Variants in PIGU observed in about 807,000 individuals in gnomAD.
PIGU encodes the protein GPI-anchor transamidase component PIGU.
PIGU carries 24 observed loss-of-function variants against 49.9 expected under a neutral mutation model. That is an observed-to-expected ratio of 0.48 (90% CI 0.35 to 0.68). The LOEUF (loss-of-function observed/expected upper bound fraction) is 0.68. Among genes scored for constraint, PIGU ranks in the 30% least tolerant of loss-of-function variants. The probability of loss-of-function intolerance (pLI) is 0.01; values close to 1 mark genes in which losing one functional copy is unlikely to be tolerated. For missense variants in PIGU, 490 were observed against 532.6 expected (o/e 0.92, Z 0.79); for synonymous variants, 220 against 205.7 (o/e 1.07, Z -0.59).
intron 6 of PIGU, among the ~76,000 whole-genome samples, chr20:34,631,363 A>C (rs1357322838): frequency 6.6e-6 from 1 of 151,956 alleles, no homozygotes; most frequent in Non-Finnish European, 1.5e-5. Flanking sequence ...CCAAAACAAG[A>C]GGACAGAGAA....
intron 6 of PIGU, among the ~76,000 whole-genome samples, chr20:34,624,530 T>G (rs758912539): frequency 9.9e-5 from 15 of 152,240 alleles, no homozygotes; most frequent in Non-Finnish European, 2.2e-4. Context: ...TAAGGAAAGC[T>G]GGAAGAACCC....
chr20:34,603,923 C>T (rs903578387), intron 7 of PIGU, among the ~76,000 whole-genome samples: 1 of 143,508 alleles, frequency 7.0e-6, no homozygotes, highest in Non-Finnish European at 1.5e-5. Context: ...AGGTAACAAA[C>T]AAGTGAAGGT....
intron 3 of PIGU, 93 bp downstream of exon 3, chr20:34,645,182 C>T (rs1280059891): frequency 4.0e-6 from 5 of 1,249,860 alleles, no homozygotes; most frequent in Non-Finnish European, 5.2e-6. Context: ...AGTGAGACCC[C>T]ATCTCAAAAA....
At chr20:34,646,250 A>G (rs1044972791) in intron 2 of PIGU, among the ~76,000 whole-genome samples, 2 of 152,160 alleles carry the variant, frequency 1.3e-5, no homozygotes, top group African/African-American at 4.8e-5. Context: ...TGCTGTTTTT[A>G]CTTTGTCAAT....
intron 2 of PIGU, 32 bp downstream of exon 2, chr20:34,657,148 T>G: frequency 6.5e-7 from 1 of 1,534,096 alleles, no homozygotes; most frequent in South Asian, 1.1e-5. Flanking sequence ...AAACTACTCT[T>G]GGTACCCAGA....
intron 6 of PIGU, among the ~76,000 whole-genome samples, chr20:34,626,179 T>C (rs761093058): frequency 1.6e-4 from 25 of 152,088 alleles, no homozygotes; most frequent in Admixed American, 1.3e-4. Flanking sequence ...GCTTTCTGTC[T>C]TTATTTCTGC....
chr20:34,596,745 C>T (rs756475650), intron 7 of PIGU, among the ~76,000 whole-genome samples: 2 of 152,014 alleles, frequency 1.3e-5, no homozygotes, highest in Non-Finnish European at 1.5e-5. Flanking sequence ...ATGTTCAAAT[C>T]GTTTACATAG....
chr20:34,603,086 T>C (rs1984491257), intron 7 of PIGU, among the ~76,000 whole-genome samples: 1 of 152,174 alleles, frequency 6.6e-6, no homozygotes, highest in African/African-American at 2.4e-5. Context: ...CTGGGACATT[T>C]AACCCATATA....
chr20:34,612,439 T>A (rs1241991656), intron 7 of PIGU, among the ~76,000 whole-genome samples: 4 of 151,972 alleles, frequency 2.6e-5, no homozygotes, highest in Non-Finnish European at 5.9e-5. Context: ...GGTTGATACG[T>A]GCAGCACACC....
At chr20:34,659,240 C>T (rs866216553) in intron 1 of PIGU, among the ~76,000 whole-genome samples, 230 of 93,198 alleles carry the variant, frequency 2.5e-3, no homozygotes, top group African/African-American at 8.9e-3. Context: ...CCGCCCCGTC[C>T]GGGAGGGAGG....
chr20:34,612,301 C>A (rs1984845327), intron 7 of PIGU, among the ~76,000 whole-genome samples: 2 of 152,112 alleles, frequency 1.3e-5, no homozygotes, highest in African/African-American at 4.8e-5. Flanking sequence ...GGGAGTTGAA[C>A]AATGGGAACA....
chr20:34,675,801 G>A (rs771991267), intron 1 of PIGU, among the ~76,000 whole-genome samples: 2 of 152,004 alleles, frequency 1.3e-5, no homozygotes, highest in Non-Finnish European at 1.5e-5. Context: ...CTTGAGTCCA[G>A]GAGTTCCAGA....
At chr20:34,642,744 CTTTTTT>C (rs946911419) in intron 4 of PIGU, among the ~76,000 whole-genome samples, 3 of 91,156 alleles carry the variant, frequency 3.3e-5, no homozygotes, top group African/African-American at 8.2e-5. Flanking sequence ...TTTCCCTAGT[CTTTTTT>C]TTTTTTTTTT....
At chr20:34,595,027 C>T (rs1424725422) in intron 7 of PIGU, among the ~76,000 whole-genome samples, 2 of 128,698 alleles carry the variant, frequency 1.6e-5, no homozygotes, top group Admixed American at 9.7e-5. Context: ...AGGAGGCGGA[C>T]GGAGCTTGCA....
chr20:34,646,854 G>C (rs928436895), intron 2 of PIGU, among the ~76,000 whole-genome samples: 1 of 151,108 alleles, frequency 6.6e-6, no homozygotes, highest in African/African-American at 2.4e-5. Flanking sequence ...ACAGACTCTC[G>C]CACTGTTGCC....
At chr20:34,655,976 T>C (rs2146782301) in intron 2 of PIGU, among the ~76,000 whole-genome samples, 1 of 95,738 alleles carries the variant, frequency 1.0e-5, no homozygotes, top group South Asian at 3.0e-4. Context: ...TTCTTTTTTT[T>C]TTTTTTTTTT....
chr20:34,666,789 C>T (rs1011746812), intron 1 of PIGU, among the ~76,000 whole-genome samples: 20 of 150,678 alleles, frequency 1.3e-4, no homozygotes, highest in Non-Finnish European at 2.1e-4. Context: ...CTCCACCTCC[C>T]GGGTTGACGC....
intron 4 of PIGU, among the ~76,000 whole-genome samples, chr20:34,640,510 C>A (rs1481452880): frequency 9.2e-6 from 1 of 108,476 alleles, no homozygotes; most frequent in Non-Finnish European, 2.2e-5. Flanking sequence ...CACACACACA[C>A]ACACACACAC....
chr20:34,634,143 C>G (rs562109396), intron 6 of PIGU, among the ~76,000 whole-genome samples: 5 of 152,182 alleles, frequency 3.3e-5, no homozygotes, highest in Admixed American at 3.3e-4. Flanking sequence ...ATGATCACAG[C>G]TCACTGCAGC....
Sources: gnomAD v4.1 joint callset for allele counts (sites outside exome capture counted in the v4.1 genomes callset) on GRCh38, gnomAD v4.1.1 for gene constraint, MANE v1.5 for transcripts, NCBI Gene and HGNC (gene_info 2026-07-23, HGNC 2026-07-21) for gene names.